Variants in NEK11 observed in about 807,000 individuals in gnomAD.
NEK11 encodes the protein serine/threonine-protein kinase Nek11.
A neutral mutation model predicts 80.7 loss-of-function variants in NEK11; 72 were observed. The ratio of observed to expected loss-of-function variants is 0.89; its 90% CI spans 0.74 to 1.08. The LOEUF (loss-of-function observed/expected upper bound fraction) is 1.08. Ranked by LOEUF, NEK11 falls within the 50% of genes least tolerant of loss-of-function variation. The probability of loss-of-function intolerance (pLI) is 0.00; values close to 1 mark genes in which losing one functional copy is unlikely to be tolerated. For missense variants in NEK11, 764 were observed against 763.6 expected, an observed-to-expected ratio of 1.00 and a Z score of -0.01; for synonymous variants, 251 against 260.7, an observed-to-expected ratio of 0.96 and a Z score of 0.36.
intron 14 of NEK11, among the ~76,000 whole-genome samples, chr3:131,181,070 C>A (rs1030620110): frequency 1.3e-5 from 2 of 152,122 alleles, no homozygotes; most frequent in African/African-American, 4.8e-5. Flanking sequence ...ATCCTTGGAA[C>A]CTGTGAATAT....
At chr3:131,183,000 T>A (rs1029535396) in intron 14 of NEK11, among the ~76,000 whole-genome samples, 5 of 152,220 alleles carry the variant, frequency 3.3e-5, no homozygotes, top group African/African-American at 1.2e-4. Flanking sequence ...CAGTTGCTTA[T>A]GAGCATATGG....
At chr3:131,128,226 G>GT (rs2083711335) in intron 5 of NEK11, among the ~76,000 whole-genome samples, 1 of 152,130 alleles carries the variant, frequency 6.6e-6, no homozygotes, top group African/African-American at 2.4e-5. Flanking sequence ...CATTCTTTGA[G>GT]TTTGGGCACA....
intron 4 of NEK11, among the ~76,000 whole-genome samples, chr3:131,094,771 G>C (rs369779281): frequency 6.6e-6 from 1 of 152,146 alleles, no homozygotes; most frequent in East Asian, 1.9e-4. Context: ...GCAGGTGCTG[G>C]AAATGTATCA....
chr3:131,170,410 C>T (rs574997606), intron 13 of NEK11, among the ~76,000 whole-genome samples: 30 of 152,266 alleles, frequency 2.0e-4, no homozygotes, highest in African/African-American at 6.5e-4. Flanking sequence ...AGAAACTGAG[C>T]AGGGCTGGAG....
At chr3:131,161,954 T>G (rs1225948354) in intron 10 of NEK11, among the ~76,000 whole-genome samples, 1 of 152,214 alleles carries the variant, frequency 6.6e-6, no homozygotes, top group African/African-American at 2.4e-5. Flanking sequence ...TAGCCCATTC[T>G]TTACAGATGA....
intron 3 of NEK11, among the ~76,000 whole-genome samples, chr3:131,045,366 C>T (rs959246306): frequency 6.6e-6 from 1 of 152,260 alleles, no homozygotes; most frequent in Admixed American, 6.5e-5. Context: ...TATTATACTT[C>T]AAATAATTTT....
intron 4 of NEK11, among the ~76,000 whole-genome samples, chr3:131,081,996 T>C (rs1353762149): frequency 1.3e-5 from 2 of 152,206 alleles, no homozygotes; most frequent in African/African-American, 4.8e-5. Context: ...GTCTTGGCCA[T>C]TCCCCTTCAG....
At position 131,220,778 on chromosome 3, in the gene NEK11, G is replaced by A. The variant is rs755054457; in HGVS notation, c.1400-7750G>A. Among the ~76,000 whole-genome samples, 11 of 152,286 alleles carry A rather than the reference G, an allele frequency of 7.2e-5. No individual in the cohort carries two copies. In the East Asian group the frequency reaches 7.7e-4, roughly 11 times the overall value. On this transcript the variant is annotated intron_variant, in intron 14 of 17. Transcript: ENST00000383366. ...ATATGCAGAGAGAGGCAGGGTGTCC[G>A]GGGCAGACTCTAGGGCACCTGGAGA...
intron 4 of NEK11, among the ~76,000 whole-genome samples, chr3:131,101,188 G>A (rs1301936781): frequency 2.6e-5 from 4 of 151,968 alleles, no homozygotes; most frequent in African/African-American, 7.2e-5. Flanking sequence ...CCAACTCTTG[G>A]TGTCACTGAC....
At chr3:131,236,753 C>T (rs547970994) in intron 15 of NEK11, among the ~76,000 whole-genome samples, 6 of 152,270 alleles carry the variant, frequency 3.9e-5, no homozygotes, top group South Asian at 2.1e-4. Context: ...ATAGGAGTTA[C>T]GATATTAGCT....
chr3:131,055,884 T>C (rs944215141), intron 3 of NEK11, among the ~76,000 whole-genome samples: 7 of 152,202 alleles, frequency 4.6e-5, no homozygotes, highest in South Asian at 4.1e-4. Context: ...TGAAAGATCA[T>C]TGGAAGAGAT....
chr3:131,288,557 A>T (rs768696314), intron 17 of NEK11, among the ~76,000 whole-genome samples: 3 of 148,344 alleles, frequency 2.0e-5, no homozygotes, highest in East Asian at 4.0e-4. Context: ...GGTTCAAGCG[A>T]TTCTCCTGCC....
At chr3:131,210,919 CTT>C (rs527690633) in intron 14 of NEK11, among the ~76,000 whole-genome samples, 2 of 152,280 alleles carry the variant, frequency 1.3e-5, no homozygotes, top group South Asian at 4.1e-4. Context: ...GGTCTTGACT[CTT>C]TATCCAATTT....
rs550594375 is a variant in NEK11 at position 131,129,989 on chromosome 3, TG to T, written c.456-2752del. 2.2e-3 allele frequency among the ~76,000 whole-genome samples: 336 copies of T among 152,338 alleles called. 1 individual carries two copies. Among genetic ancestry groups the T allele is most frequent in the African/African-American group, 7.6e-3 (318 of 41,574 alleles). ...CAAAATAACTTCCTGGGATTTTGAT[TG>T]GGGTTACATTGCATCTATTGATCAA... On this transcript the variant is annotated intron_variant, in intron 5 of 17. Transcript: ENST00000383366.
intron 10 of NEK11, among the ~76,000 whole-genome samples, chr3:131,158,714 A>C (rs1236244606): frequency 1.3e-5 from 2 of 152,122 alleles, no homozygotes; most frequent in Admixed American, 6.5e-5. Flanking sequence ...TGCTGCTGTG[A>C]ATGCCCACAG....
intron 14 of NEK11, among the ~76,000 whole-genome samples, chr3:131,225,872 A>G (rs951372030): frequency 1.3e-5 from 2 of 152,234 alleles, no homozygotes; most frequent in African/African-American, 4.8e-5. Context: ...TGTTTCGACT[A>G]TAAAGATATT....
intron 3 of NEK11, among the ~76,000 whole-genome samples, chr3:131,034,588 ATGGGGTTTCAC>A (rs2065355929): frequency 6.6e-6 from 1 of 152,088 alleles, no homozygotes; most frequent in Admixed American, 6.5e-5. Context: ...TTTAGTAGAG[ATGGGGTTTCAC>A]CGTGGTCTCG....
At chr3:131,288,757 G>A (rs898070964) in intron 17 of NEK11, among the ~76,000 whole-genome samples, 2 of 151,874 alleles carry the variant, frequency 1.3e-5, no homozygotes, top group South Asian at 4.2e-4. Context: ...CCGCCTATAT[G>A]GTATGCATTT....
chr3:131,192,863 G>C (rs1225814011), intron 14 of NEK11, among the ~76,000 whole-genome samples: 1 of 152,184 alleles, frequency 6.6e-6, no homozygotes, highest in Non-Finnish European at 1.5e-5. Flanking sequence ...AGGGATGGTG[G>C]TGATGGTTGC....
Sources: allele counts gnomAD v4.1 joint callset (sites outside exome capture counted in the v4.1 genomes callset), GRCh38; gene constraint gnomAD v4.1.1; transcripts MANE v1.5; gene names NCBI Gene and HGNC (gene_info 2026-07-23, HGNC 2026-07-21).